The following MAPKAP1 variants were observed in gnomAD, a reference collection of about 807,000 sequenced individuals.
MAPKAP1 encodes target of rapamycin complex 2 subunit MAPKAP1.
Under a neutral mutation model 65.7 loss-of-function variants are expected in MAPKAP1, and 20 were observed. That is an observed-to-expected ratio of 0.30 (90% confidence interval 0.21 to 0.44). The LOEUF (loss-of-function observed/expected upper bound fraction) is 0.44, where lower values mean the gene tolerates loss of function less well. MAPKAP1 is among the 20% of genes least tolerant of loss of function. The pLI is 1.00. For missense variants in MAPKAP1, 423 were observed against 648.0 expected (o/e 0.65, Z 3.77); for synonymous variants, 222 against 244.3 (o/e 0.91, Z 0.85).
At chr9:125,646,061 A>T (rs1833717628) in intron 4 of MAPKAP1, among the ~76,000 whole-genome samples, 1 of 152,230 alleles carries the variant, frequency 6.6e-6, no homozygotes, top group Non-Finnish European at 1.5e-5. Flanking sequence ...GGCTCCTCAA[A>T]TATTACATCA....
At chr9:125,577,371 C>T (rs1831449158) in intron 5 of MAPKAP1, among the ~76,000 whole-genome samples, 1 of 150,922 alleles carries the variant, frequency 6.6e-6, no homozygotes, top group Non-Finnish European at 1.5e-5. Flanking sequence ...GGCAGCCACC[C>T]CGTCCGGGAG....
chr9:125,551,531 T>C (rs894024630), intron 6 of MAPKAP1, among the ~76,000 whole-genome samples: 4 of 152,192 alleles, frequency 2.6e-5, no homozygotes, highest in Non-Finnish European at 5.9e-5. Flanking sequence ...GAACTGTTCC[T>C]TCCTCATGTT....
chr9:125,493,365 T>A (rs1196211612), intron 8 of MAPKAP1, among the ~76,000 whole-genome samples: 1 of 152,206 alleles, frequency 6.6e-6, no homozygotes, highest in African/African-American at 2.4e-5. Context: ...CCCCTGTCTC[T>A]CTCCTAAAGC....
At chr9:125,679,242 TC>T (rs199945525) in intron 1 of MAPKAP1, among the ~76,000 whole-genome samples, 1 of 152,006 alleles carries the variant, frequency 6.6e-6, no homozygotes, top group Non-Finnish European at 1.5e-5. Flanking sequence ...CCTCAGGTGA[TC>T]CCCCCACCTC....
chr9:125,459,058 C>T (rs1263361428), intron 10 of MAPKAP1, among the ~76,000 whole-genome samples: 149 of 120,252 alleles, frequency 1.2e-3, no homozygotes, highest in African/African-American at 4.6e-3. Flanking sequence ...ACTTCTCAGA[C>T]GGGGCGGTTG....
rs1241606163 is a variant in MAPKAP1 at position 125,597,138 on chromosome 9, G to A, written c.499-11411C>T. On this transcript the variant is annotated intron_variant, in intron 4 of 11. Coordinates refer to ENST00000265960, the MANE Select transcript of MAPKAP1 (RefSeq NM_001006617.3). ...AAATTAGCCGGGCGTGGTGGTGGGC[G>A]CCTGTAGTCCCAGCTACTTGGGAGG... 5.9e-5 allele frequency among the ~76,000 whole-genome samples: 9 copies of A among 151,816 alleles called. No individual in the cohort carries two copies. In the South Asian group the frequency reaches 1.2e-3, roughly 21 times the overall value.
At chr9:125,664,663 T>C (rs779112344) in intron 3 of MAPKAP1, among the ~76,000 whole-genome samples, 16 of 129,924 alleles carry the variant, frequency 1.2e-4, no homozygotes, top group Non-Finnish European at 1.7e-4. Flanking sequence ...AGGCGGAGGT[T>C]GCAGTGAGCA....
chr9:125,623,062 T>C (rs1832959747), intron 4 of MAPKAP1, among the ~76,000 whole-genome samples: 1 of 151,074 alleles, frequency 6.6e-6, no homozygotes, highest in East Asian at 2.0e-4. Context: ...CCTCCCGAGG[T>C]GCCGGGATTG....
At chr9:125,553,091 T>A (rs1222767702) in intron 6 of MAPKAP1, among the ~76,000 whole-genome samples, 1 of 150,602 alleles carries the variant, frequency 6.6e-6, no homozygotes, top group African/African-American at 2.4e-5. Flanking sequence ...TGTGGGGGGG[T>A]GTATGAGATA....
intron 7 of MAPKAP1, among the ~76,000 whole-genome samples, chr9:125,508,733 T>C (rs1829215675): frequency 6.6e-6 from 1 of 152,122 alleles, no homozygotes; most frequent in Non-Finnish European, 1.5e-5. Context: ...TGCATGCCTG[T>C]AGTCCCAGCT....
chr9:125,705,424 T>C (rs1835727727), intron 1 of MAPKAP1, among the ~76,000 whole-genome samples: 1 of 152,108 alleles, frequency 6.6e-6, no homozygotes. Context: ...CCTGGCCACA[T>C]CCCATCCCTC....
intron 10 of MAPKAP1, among the ~76,000 whole-genome samples, chr9:125,459,790 C>G (rs1853396381): frequency 1.1e-5 from 1 of 91,192 alleles, no homozygotes; most frequent in Non-Finnish European, 2.4e-5. Context: ...GGCTCGGCAT[C>G]AGAGGGAGAC....
At chr9:125,659,960 A>G (rs1834137797) in intron 3 of MAPKAP1, among the ~76,000 whole-genome samples, 1 of 152,098 alleles carries the variant, frequency 6.6e-6, no homozygotes, top group Admixed American at 6.6e-5. Context: ...CTCATCTTAC[A>G]AGATGTCTTG....
At chr9:125,592,902 CAAAAAAAAA>C (rs35339033) in intron 4 of MAPKAP1, among the ~76,000 whole-genome samples, 2 of 70,970 alleles carry the variant, frequency 2.8e-5, no homozygotes, top group Non-Finnish European at 4.9e-5. Context: ...GACTCCGTCT[CAAAAAAAAA>C]AAAAAAAAAA....
intron 8 of MAPKAP1, among the ~76,000 whole-genome samples, chr9:125,489,436 G>T (rs1402332606): frequency 1.3e-5 from 2 of 152,160 alleles, no homozygotes; most frequent in African/African-American, 4.8e-5. Context: ...ATAATGTATT[G>T]TGTCAAAACG....
chr9:125,701,729 C>T (rs1588091935), intron 1 of MAPKAP1, among the ~76,000 whole-genome samples: 1 of 152,188 alleles, frequency 6.6e-6, no homozygotes, highest in Non-Finnish European at 1.5e-5. Flanking sequence ...CCACTTCATA[C>T]TATTGTGGAG....
intron 9 of MAPKAP1, among the ~76,000 whole-genome samples, chr9:125,484,179 T>C (rs1319577961): frequency 6.6e-6 from 1 of 152,196 alleles, no homozygotes; most frequent in Non-Finnish European, 1.5e-5. Flanking sequence ...AAAAGAATTA[T>C]GGAACTTCAC....
At chr9:125,689,212 C>A (rs148369351) in intron 1 of MAPKAP1, among the ~76,000 whole-genome samples, 2,066 of 151,592 alleles carry the variant, frequency 0.014, 18 homozygotes, top group Middle Eastern at 0.024. Flanking sequence ...CCGAGGTGGG[C>A]GGATCACGAA....
intron 4 of MAPKAP1, among the ~76,000 whole-genome samples, chr9:125,628,628 A>G (rs1648846940): frequency 6.6e-6 from 1 of 152,210 alleles, no homozygotes; most frequent in Admixed American, 6.5e-5. Flanking sequence ...AGAAGAAATC[A>G]AGGGAGAAAA....
Sources: allele counts gnomAD v4.1 joint callset (sites outside exome capture counted in the v4.1 genomes callset), GRCh38; gene constraint gnomAD v4.1.1; transcripts MANE v1.5; gene names NCBI Gene and HGNC (gene_info 2026-07-23, HGNC 2026-07-21).